FNDC1: variants seen among roughly 807,000 people sequenced by gnomAD.
FNDC1 encodes the protein fibronectin type III domain containing 1.
Under a neutral mutation model 168.0 loss-of-function variants are expected in FNDC1, and 96 were observed. The observed-to-expected ratio is 0.57, with a 90% CI of 0.48 to 0.68. The LOEUF (loss-of-function observed/expected upper bound fraction) is 0.68, where lower values mean the gene tolerates loss of function less well. Among genes scored for constraint, FNDC1 ranks in the 30% least tolerant of loss-of-function variants. The pLI is 0.00. For missense variants in FNDC1, 2,587 were observed against 2,482.1 expected (o/e 1.04, Z -0.90); for synonymous variants, 1,099 against 1,025.9 (o/e 1.07, Z -1.36).
chr6:159,191,518 T>G (rs1782138990), intron 1 of FNDC1, among the ~76,000 whole-genome samples: 1 of 152,254 alleles, frequency 6.6e-6, no homozygotes, highest in South Asian at 2.1e-4. Flanking sequence ...TTTTACCTAT[T>G]CAACATTTTG....
chr6:159,224,830 C>A (rs1332082698), intron 7 of FNDC1, among the ~76,000 whole-genome samples: 1 of 152,178 alleles, frequency 6.6e-6, no homozygotes, highest in Non-Finnish European at 1.5e-5. Context: ...AAGACAATTT[C>A]TTTGAAAGGG....
chr6:159,207,459 C>T (rs1056592408), intron 4 of FNDC1, among the ~76,000 whole-genome samples: 2 of 152,126 alleles, frequency 1.3e-5, no homozygotes, highest in Non-Finnish European at 2.9e-5. Context: ...TCTGATGAGG[C>T]CAGCATCTTG....
intron 1 of FNDC1, among the ~76,000 whole-genome samples, chr6:159,186,213 G>C (rs981480792): frequency 6.6e-6 from 1 of 151,916 alleles, no homozygotes; most frequent in Non-Finnish European, 1.5e-5. Flanking sequence ...GTTGGCGGGT[G>C]GTGGGGAAGG....
chr6:159,234,720 C>T (rs769455244), intron 11 of FNDC1, among the ~76,000 whole-genome samples: 8 of 152,252 alleles, frequency 5.3e-5, no homozygotes, highest in African/African-American at 1.9e-4. Context: ...AGGCAGACAC[C>T]TCAGAGTTGC....
rs1186061474 is a variant in FNDC1, at chr6:159,229,881, A to T, written c.1247A>T (p.Asp416Val). The T allele has an allele frequency of 6.2e-7, 1 of 1,613,874 alleles. No individual in the cohort carries two copies. Among genetic ancestry groups the T allele is most frequent in the South Asian group, 1.1e-5 (1 of 91,074 alleles). ...FGAKSLTYPG[D>V]TTSALVDGLQ... ...GCAAAGTCCCTCACCTATCCTGGAG[A>T]CACTACTTCTGCCCTGGTGGATGGT... The change falls in exon 10 of 23, where the codon GAC (aspartate) becomes GTC (valine). Residue 416 changes from aspartate to valine, a missense_variant. By Grantham distance (152) the Asp-to-Val change is radical. Transcript: ENST00000297267.
rs1783257292 is a variant in FNDC1 at position 159,236,296 on chromosome 6, G to A, written c.4049G>A (p.Gly1350Asp). Residue 1350 changes from glycine (G) to aspartate (D), a missense_variant, in exon 12 of 23, where the codon GGC (glycine) becomes GAC (aspartate). Coordinates refer to ENST00000297267, the MANE Select transcript of FNDC1 (RefSeq NM_032532.3). The stretch of plus-strand genomic sequence containing the variant: ...CCGAATGGACAGAGAATTATCAATG[G>A]CCCTCAAGGAACAAAGTGGGTAGGG... ...GKPNGQRIINGPQGTKWVVDL... is the reference protein window; with the variant it reads ...GKPNGQRIINDPQGTKWVVDL... The A allele has an allele frequency of 1.2e-6, 2 of 1,613,262 alleles. No homozygotes were observed. The highest frequency in any genetic ancestry group is 2.2e-5 in the South Asian group (2 of 90,920).
At chr6:159,182,115 C>A (rs1412476850) in intron 1 of FNDC1, among the ~76,000 whole-genome samples, 1 of 152,152 alleles carries the variant, frequency 6.6e-6, no homozygotes, top group Non-Finnish European at 1.5e-5. Context: ...TTGGGGTGAT[C>A]TTATTTTCAC....
chr6:159,253,300 C>A (rs1777306001), intron 17 of FNDC1, among the ~76,000 whole-genome samples: 1 of 152,220 alleles, frequency 6.6e-6, no homozygotes, highest in Non-Finnish European at 1.5e-5. Context: ...CCAGACTCCG[C>A]AAGGCTCAGA....
At chr6:159,209,734 AT>A (rs1375615925) in intron 4 of FNDC1, among the ~76,000 whole-genome samples, 2 of 152,264 alleles carry the variant, frequency 1.3e-5, no homozygotes, top group Non-Finnish European at 1.5e-5. Flanking sequence ...GATTCATGAC[AT>A]TAATAATTGG....
At position 159,178,935 on chromosome 6, in the gene FNDC1, C is replaced by T. The variant is rs553160908; in HGVS notation, c.109+9230C>T. On this transcript the variant is annotated intron_variant, in intron 1 of 22. Coordinates refer to ENST00000297267, the MANE Select transcript of FNDC1 (RefSeq NM_032532.3). Reference sequence around the variant, plus strand: ...CAGCTGCAGCAATTCTCGTGATGCACAATGTCACAGAACCTTCCAATAGCT... The same window carrying T: ...CAGCTGCAGCAATTCTCGTGATGCATAATGTCACAGAACCTTCCAATAGCT... 2.6e-3 allele frequency among the ~76,000 whole-genome samples: 395 copies of T among 152,214 alleles called. 1 individual carries two copies. The highest frequency in any genetic ancestry group is 6.8e-3 in the Middle Eastern group (2 of 294).
chr6:159,253,317 A>G (rs951902492), intron 17 of FNDC1, among the ~76,000 whole-genome samples: 9 of 152,346 alleles, frequency 5.9e-5, no homozygotes, highest in Admixed American at 5.2e-4. Context: ...CAGAGAGAGA[A>G]TAGCGGCAGC....
intron 1 of FNDC1, among the ~76,000 whole-genome samples, chr6:159,187,541 G>A (rs890111903): frequency 2.0e-5 from 3 of 152,144 alleles, no homozygotes; most frequent in Admixed American, 2.0e-4. Context: ...AATGTCAGAA[G>A]GGGACCCAGG....
At chr6:159,179,114 A>G (rs1415656807) in intron 1 of FNDC1, among the ~76,000 whole-genome samples, 2 of 152,170 alleles carry the variant, frequency 1.3e-5, no homozygotes, top group Non-Finnish European at 2.9e-5. Context: ...TTCCAGCCTT[A>G]GGGCTTTTGC....
intron 5 of FNDC1, among the ~76,000 whole-genome samples, chr6:159,216,215 G>A (rs1027955776): frequency 3.9e-5 from 6 of 152,180 alleles, no homozygotes; most frequent in Non-Finnish European, 8.8e-5. Flanking sequence ...ACCCACCTCA[G>A]CCTCCCAAAG....
intron 17 of FNDC1, among the ~76,000 whole-genome samples, chr6:159,251,863 C>T (rs898575897): frequency 1.3e-5 from 2 of 152,260 alleles, no homozygotes; most frequent in East Asian, 1.9e-4. Flanking sequence ...CTCTAACATC[C>T]TATAATCTTG....
chr6:159,171,135 C>A (rs141407416), intron 1 of FNDC1, among the ~76,000 whole-genome samples: 2 of 152,184 alleles, frequency 1.3e-5, no homozygotes, highest in East Asian at 3.9e-4. Flanking sequence ...GGAATCCCAC[C>A]GCGATCTGCA....
At chr6:159,229,754 T>A (rs1383472982) in intron 9 of FNDC1, 61 bp from the exon 10 acceptor site, 5 of 1,467,636 alleles carry the variant, frequency 3.4e-6, no homozygotes, top group Non-Finnish European at 4.7e-6. Flanking sequence ...ATACAGTCTG[T>A]CTGCTGGACA....
intron 4 of FNDC1, among the ~76,000 whole-genome samples, chr6:159,208,960 GC>G (rs1562637758): frequency 6.9e-6 from 1 of 145,728 alleles, no homozygotes; most frequent in Non-Finnish European, 1.5e-5. Context: ...CGATTCTCTT[GC>G]CTCAGCCTCC....
intron 1 of FNDC1, among the ~76,000 whole-genome samples, chr6:159,173,932 G>A (rs971119066): frequency 2.0e-5 from 3 of 152,154 alleles, no homozygotes; most frequent in Non-Finnish European, 2.9e-5. Flanking sequence ...AAGGGATGAG[G>A]GGGGCAGGGA....
Sources: gnomAD v4.1 joint callset for allele counts (sites outside exome capture counted in the v4.1 genomes callset) on GRCh38, gnomAD v4.1.1 for gene constraint, MANE v1.5 for transcripts, NCBI Gene and HGNC (gene_info 2026-07-23, HGNC 2026-07-21) for gene names.